RPSA2: variants seen among roughly 807,000 people sequenced by gnomAD.
RPSA2 encodes small ribosomal subunit protein uS2B.
the RPSA2 span, among the ~76,000 whole-genome samples, chr19:23,869,462 C>T: frequency 6.6e-6 from 1 of 152,118 alleles, no homozygotes; most frequent in Non-Finnish European, 1.5e-5. Context: ...TTCAATAGTT[C>T]TGACCTCTCT....
chr19:23,771,174 C>T, the RPSA2 span, among the ~76,000 whole-genome samples: 1 of 152,216 alleles, frequency 6.6e-6, no homozygotes, highest in Non-Finnish European at 1.5e-5. Context: ...AGCCTGCCAA[C>T]AGTAAAGACT....
the RPSA2 span, among the ~76,000 whole-genome samples, chr19:23,794,056 G>A: frequency 2.0e-5 from 3 of 152,200 alleles, no homozygotes; most frequent in African/African-American, 7.2e-5. Context: ...ACAGGCATGA[G>A]CCATTGTGCC....
the RPSA2 span, among the ~76,000 whole-genome samples, chr19:23,821,800 C>T: frequency 0.017 from 2,523 of 152,340 alleles, 41 homozygotes; most frequent in Admixed American, 0.029. Flanking sequence ...CTTCCATGCC[C>T]ACACCCATGT....
the RPSA2 span, among the ~76,000 whole-genome samples, chr19:23,806,552 G>A: frequency 6.6e-6 from 1 of 151,976 alleles, no homozygotes; most frequent in Non-Finnish European, 1.5e-5. Flanking sequence ...TTGGGAGACT[G>A]AGGTGGATGG....
the RPSA2 span, among the ~76,000 whole-genome samples, chr19:23,853,036 G>A: frequency 6.6e-6 from 1 of 152,140 alleles, no homozygotes; most frequent in East Asian, 1.9e-4. Flanking sequence ...TATAGGCCTG[G>A]GGAAATTGAG....
At chr19:23,855,682 G>T in the RPSA2 span, among the ~76,000 whole-genome samples, 7 of 152,308 alleles carry the variant, frequency 4.6e-5, no homozygotes, top group Admixed American at 6.5e-5. Flanking sequence ...GGGGCATGGG[G>T]GAGCAGAAGA....
the RPSA2 span, among the ~76,000 whole-genome samples, chr19:23,850,213 G>C: frequency 6.7e-6 from 1 of 150,266 alleles, no homozygotes; most frequent in Non-Finnish European, 1.5e-5. Context: ...CAAATAAGTG[G>C]AGGAAAAGGC....
the RPSA2 span, among the ~76,000 whole-genome samples, chr19:23,861,090 A>T: frequency 6.6e-6 from 1 of 152,220 alleles, no homozygotes; most frequent in Non-Finnish European, 1.5e-5. Context: ...TTTTTAGATT[A>T]GTAATCAAGT....
the RPSA2 span, among the ~76,000 whole-genome samples, chr19:23,816,512 G>GT: frequency 1.3e-5 from 2 of 152,040 alleles, no homozygotes; most frequent in African/African-American, 4.8e-5. Flanking sequence ...TGAGTGGTAC[G>GT]TTTTTTCTTA....
chr19:23,761,930 T>TCCTTCCTTCCTTCC, the RPSA2 span, among the ~76,000 whole-genome samples: 9 of 127,362 alleles, frequency 7.1e-5, no homozygotes, highest in Admixed American at 1.8e-4. Context: ...CTTTTTTTTT[T>TCCTTCCTTCCTTCC]TTTTTGAGAT....
At chr19:23,840,292 G>A in the RPSA2 span, among the ~76,000 whole-genome samples, 2 of 152,246 alleles carry the variant, frequency 1.3e-5, no homozygotes, top group Non-Finnish European at 2.9e-5. Context: ...TCTCCCCTAT[G>A]TTTCAGAGCC....
the RPSA2 span, among the ~76,000 whole-genome samples, chr19:23,793,210 CTTTTTTTTTT>C: frequency 4.3e-3 from 4 of 938 alleles, no homozygotes; most frequent in African/African-American, 7.2e-3. Context: ...AGGTGGCTTT[CTTTTTTTTTT>C]TTTTTTTTTT....
At chr19:23,815,990 TAGTTG>T in the RPSA2 span, among the ~76,000 whole-genome samples, 3 of 141,458 alleles carry the variant, frequency 2.1e-5, no homozygotes, top group African/African-American at 5.2e-5. Context: ...TCATAAAATG[TAGTTG>T]TTTTTTTTTT....
chr19:23,833,068 T>A, the RPSA2 span: 8 of 1,323,276 alleles, frequency 6.0e-6, no homozygotes, highest in East Asian at 2.3e-4. Context: ...GTGTGAAGAA[T>A]GTGGCAAATC....
chr19:23,857,727 C>G, the RPSA2 span, among the ~76,000 whole-genome samples: 1 of 151,984 alleles, frequency 6.6e-6, no homozygotes, highest in Non-Finnish European at 1.5e-5. Context: ...GAACTGCTGA[C>G]CTCATGATCC....
At chr19:23,826,860 A>AT in the RPSA2 span, among the ~76,000 whole-genome samples, 700 of 114,200 alleles carry the variant, frequency 6.1e-3, 2 homozygotes, top group African/African-American at 0.02. Flanking sequence ...TAATTTTTGT[A>AT]TTTTTTTTTT....
the RPSA2 span, among the ~76,000 whole-genome samples, chr19:23,804,333 G>A: frequency 1.5e-5 from 2 of 131,196 alleles, no homozygotes; most frequent in Non-Finnish European, 3.1e-5. Flanking sequence ...GTCTTGCTCT[G>A]TCGCCCAGGC....
chr19:23,798,428 G>C, the RPSA2 span, among the ~76,000 whole-genome samples: 1 of 152,226 alleles, frequency 6.6e-6, no homozygotes. Flanking sequence ...AATTAGCATA[G>C]TTATGTGTGG....
the RPSA2 span, among the ~76,000 whole-genome samples, chr19:23,849,938 A>T: frequency 9.9e-5 from 15 of 152,216 alleles, no homozygotes; most frequent in African/African-American, 3.6e-4. Context: ...GTCTTAAAGG[A>T]GAAAGGGAGA....
Sources: gnomAD v4.1 joint callset for allele counts (sites outside exome capture counted in the v4.1 genomes callset) on GRCh38, gnomAD v4.1.1 for gene constraint, MANE v1.5 for transcripts, NCBI Gene and HGNC (gene_info 2026-07-23, HGNC 2026-07-21) for gene names.